TFB2M: variants seen among roughly 807,000 people sequenced by gnomAD.
The protein encoded by TFB2M is dimethyladenosine transferase 2, mitochondrial.
TFB2M carries 44 observed loss-of-function variants against 41.3 expected under a neutral mutation model. That is an observed-to-expected ratio of 1.07 (90% confidence interval 0.84 to 1.37). The LOEUF (loss-of-function observed/expected upper bound fraction) is 1.37. Among genes scored for constraint, TFB2M ranks in the 40% most tolerant of loss-of-function variants. The pLI is 0.00. For synonymous variants in TFB2M, 188 were observed against 176.8 expected (o/e 1.06, Z -0.50); for missense variants, 496 against 490.2 (o/e 1.01, Z -0.11).
chr1:246,566,199 C>A lies in TFB2M; in HGVS notation c.-61G>T, dbSNP rs547357741. On this transcript the variant is annotated 5_prime_UTR_variant, in exon 1 of 8. Coordinates refer to ENST00000366514, the MANE Select transcript of TFB2M (RefSeq NM_022366.3). Reference sequence around the variant, plus strand: ...AGTGCAGCTACTACAGTGAACCCCACGCAGGGTATCCCACGTGGAACATTT... The same window carrying A: ...AGTGCAGCTACTACAGTGAACCCCAAGCAGGGTATCCCACGTGGAACATTT... 29 of 1,524,834 alleles carry A rather than the reference C, an allele frequency of 1.9e-5. No individual in the cohort carries two copies. In the South Asian group the frequency reaches 3.5e-4, roughly 19 times the overall value. 94.5% of individuals were successfully genotyped at this position (1,524,834 alleles called of 1,614,324 possible).
At chr1:246,558,140 TTTTC>T (rs1207837657) in intron 2 of TFB2M, among the ~76,000 whole-genome samples, 13 of 143,894 alleles carry the variant, frequency 9.0e-5, no homozygotes, top group Admixed American at 7.6e-4. Flanking sequence ...TATCATAAAT[TTTTC>T]TTTATCTGTT....
At chr1:246,553,182 C>T (rs944940783) in intron 4 of TFB2M, among the ~76,000 whole-genome samples, 8 of 152,270 alleles carry the variant, frequency 5.3e-5, no homozygotes, top group Non-Finnish European at 7.4e-5. Context: ...GATTGCGCCA[C>T]TGCACTCCAG....
chr1:246,553,417 C>T (rs1347186901), intron 4 of TFB2M, among the ~76,000 whole-genome samples: 2 of 152,170 alleles, frequency 1.3e-5, no homozygotes, highest in Non-Finnish European at 2.9e-5. Flanking sequence ...CACCTGCAAT[C>T]CCAGCACCTC....
At chr1:246,545,231 G>A (rs1409776992) in intron 6 of TFB2M, among the ~76,000 whole-genome samples, 5 of 152,130 alleles carry the variant, frequency 3.3e-5, no homozygotes, top group Non-Finnish European at 7.3e-5. Flanking sequence ...CTCTCTCCAG[G>A]ACAAAGAGCA....
In TFB2M at chr1:246,543,407, C is replaced by T. The variant is rs182010068; in HGVS notation, c.1019+1114G>A. ...TGTACAAATTACACAGATGGCTGGGCGCGGGAGCTCATGCCTGTAACCCCA... is the reference window on the plus strand; with the variant it reads ...TGTACAAATTACACAGATGGCTGGGTGCGGGAGCTCATGCCTGTAACCCCA... On this transcript the variant is annotated intron_variant, in intron 7 of 7. Transcript: ENST00000366514. Among the ~76,000 whole-genome samples the T allele has an allele frequency of 2.0e-3, 301 of 152,188 alleles. 1 individual carries two copies. Among genetic ancestry groups the T allele is most frequent in the African/African-American group, 6.4e-3 (267 of 41,508 alleles).
intron 5 of TFB2M, 68 bp from the exon 6 acceptor site, chr1:246,548,675 C>T: frequency 1.4e-6 from 2 of 1,472,884 alleles, no homozygotes; most frequent in South Asian, 2.3e-5. Flanking sequence ...CCAGTTATTA[C>T]TTCCTTAAAA....
chr1:246,565,478 C>T (rs1659603824), intron 1 of TFB2M, among the ~76,000 whole-genome samples: 1 of 152,196 alleles, frequency 6.6e-6, no homozygotes, highest in African/African-American at 2.4e-5. Flanking sequence ...TTTTGGGAGA[C>T]CTAGGGGGGA....
intron 2 of TFB2M, among the ~76,000 whole-genome samples, chr1:246,558,784 T>A (rs1205163027): frequency 6.6e-6 from 1 of 152,242 alleles, no homozygotes; most frequent in Non-Finnish European, 1.5e-5. Flanking sequence ...GAAGCAACTA[T>A]ACACCTTGTT....
In TFB2M at chr1:246,566,158, G is replaced by C. The variant is rs1216758632; in HGVS notation, c.-20C>G. On this transcript the variant is annotated 5_prime_UTR_variant, in exon 1 of 8. Coordinates refer to ENST00000366514, the MANE Select transcript of TFB2M (RefSeq NM_022366.3). The stretch of plus-strand genomic sequence containing the variant: ...CCACATGTCCTTGTCTCTCAGGCCC[G>C]CTCCAAGAATCACCTAGTGCAGCTA... The C allele has an allele frequency of 6.3e-7, 1 of 1,593,342 alleles. No homozygotes were observed. Among genetic ancestry groups the C allele is most frequent in the African/African-American group, 1.3e-5 (1 of 74,286 alleles).
At chr1:246,548,660 G>A (rs1005128667) in intron 5 of TFB2M, 53 bp from the exon 6 acceptor site, 7 of 1,555,364 alleles carry the variant, frequency 4.5e-6, no homozygotes, top group Non-Finnish European at 4.4e-6. Flanking sequence ...TTTGGTCAAA[G>A]TGCCCCAGTT....
chr1:246,555,254 C>T (rs1400312078), intron 4 of TFB2M, among the ~76,000 whole-genome samples: 1 of 152,158 alleles, frequency 6.6e-6, no homozygotes, highest in Non-Finnish European at 1.5e-5. Context: ...TCAAATGGTG[C>T]ATCCACGACG....
At chr1:246,546,145 T>C (rs199644415) in intron 6 of TFB2M, among the ~76,000 whole-genome samples, 1 of 81,734 alleles carries the variant, frequency 1.2e-5, no homozygotes, top group African/African-American at 4.1e-5. Context: ...GGAGACTCCT[T>C]CTTTACAAAC....
intron 6 of TFB2M, 82 bp downstream of exon 6, chr1:246,548,463 G>T: frequency 8.6e-7 from 1 of 1,163,368 alleles, no homozygotes; most frequent in African/African-American, 1.6e-5. Flanking sequence ...GTTAAATACA[G>T]ACTACCAAAT....
intron 5 of TFB2M, among the ~76,000 whole-genome samples, chr1:246,550,518 G>GT (rs1351235894): frequency 6.6e-6 from 1 of 152,162 alleles, no homozygotes; most frequent in Non-Finnish European, 1.5e-5. Flanking sequence ...GGTGCAGACT[G>GT]AAGACCTCAG....
At chr1:246,564,087 T>A (rs1456982475) in intron 2 of TFB2M, among the ~76,000 whole-genome samples, 1 of 152,214 alleles carries the variant, frequency 6.6e-6, no homozygotes, top group Non-Finnish European at 1.5e-5. Flanking sequence ...ATGCCAGTTA[T>A]ACGCTTTGTT....
chr1:246,563,863 A>G (rs1319269695), intron 2 of TFB2M, among the ~76,000 whole-genome samples: 1 of 152,258 alleles, frequency 6.6e-6, no homozygotes, highest in Non-Finnish European at 1.5e-5. Context: ...ATTGCAAAAT[A>G]TGAAAAAATT....
In TFB2M at chr1:246,540,951, G is replaced by A. The variant is rs948537053; in HGVS notation, c.*80C>T. Reference sequence around the variant, plus strand: ...AAGAACAGTTACCTTCTGCTGAAAGGATGTGAGTTTTCAAATTTGGTTTTC... The same window carrying A: ...AAGAACAGTTACCTTCTGCTGAAAGAATGTGAGTTTTCAAATTTGGTTTTC... On this transcript the variant is annotated 3_prime_UTR_variant, in exon 8 of 8. Transcript: ENST00000366514. 1.4e-6 allele frequency: 2 copies of A among 1,385,714 alleles called. No homozygotes were observed. Among genetic ancestry groups the A allele is most frequent in the Non-Finnish European group, 2.0e-6 (2 of 1,009,624 alleles). The allele number at this position is 1,385,714 out of a possible 1,614,324, so 85.8% of individuals were successfully genotyped here. A position where few individuals can be genotyped will look rare whatever the true frequency, so the allele number is the denominator to read the frequency against.
chr1:246,541,343 G>A lies in TFB2M; in HGVS notation c.1020-141C>T, dbSNP rs1304708896. 1.1e-5 allele frequency: 8 copies of A among 747,378 alleles called. 1 individual carries two copies. The South Asian group carries it at 1.4e-4, about 13-fold the overall frequency. 46.3% of individuals were successfully genotyped at this position (747,378 alleles called of 1,614,324 possible). A position where few individuals can be genotyped will look rare whatever the true frequency, so the allele number is the denominator to read the frequency against. On this transcript the variant is annotated intron_variant, in intron 7 of 7. Coordinates refer to ENST00000366514, the MANE Select transcript of TFB2M (RefSeq NM_022366.3). ...TGCTATAATGGACACGGGAGAATCA[G>A]CAGGGAAGAGGATGGGAGGAGGGTG...
At chr1:246,549,504 C>T (rs371411848) in intron 5 of TFB2M, among the ~76,000 whole-genome samples, 1 of 152,114 alleles carries the variant, frequency 6.6e-6, no homozygotes, top group Admixed American at 6.5e-5. Context: ...ATTGCTTAAG[C>T]CTGGGAGGCG....
Sources: allele counts gnomAD v4.1 joint callset (sites outside exome capture counted in the v4.1 genomes callset), GRCh38; gene constraint gnomAD v4.1.1; transcripts MANE v1.5; gene names NCBI Gene and HGNC (gene_info 2026-07-23, HGNC 2026-07-21).